PTPRG: variants seen among roughly 807,000 people sequenced by gnomAD.
The protein encoded by PTPRG is receptor-type tyrosine-protein phosphatase gamma.
Under a neutral mutation model 165.3 loss-of-function variants are expected in PTPRG, and 102 were observed. That is an observed-to-expected ratio of 0.62 (90% CI 0.53 to 0.73). The LOEUF (loss-of-function observed/expected upper bound fraction) is 0.73. Among genes scored for constraint, PTPRG ranks in the 30% least tolerant of loss-of-function variants. The pLI is 0.00. For synonymous variants in PTPRG, 675 were observed against 669.5 expected (o/e 1.01, Z -0.13); for missense variants, 1,866 against 1,861.4 (o/e 1.00, Z -0.05).
chr3:62,128,500 G>A (rs1273453522), intron 5 of PTPRG, among the ~76,000 whole-genome samples: 1 of 151,996 alleles, frequency 6.6e-6, no homozygotes, highest in Non-Finnish European at 1.5e-5. Flanking sequence ...AATTGCATTT[G>A]TTTGTCATTC....
intron 13 of PTPRG, among the ~76,000 whole-genome samples, chr3:62,230,952 C>G (rs553896516): frequency 7.2e-5 from 11 of 152,294 alleles, no homozygotes; most frequent in African/African-American, 2.6e-4. Context: ...GATATCCTAA[C>G]CTTCCATTAA....
chr3:62,083,759 C>T (rs1559787362), intron 5 of PTPRG, among the ~76,000 whole-genome samples: 1 of 152,192 alleles, frequency 6.6e-6, no homozygotes, highest in Non-Finnish European at 1.5e-5. Context: ...TCTCCCTTGG[C>T]TTCCGTCTGT....
At chr3:62,159,573 G>T (rs1368187015) in intron 7 of PTPRG, among the ~76,000 whole-genome samples, 1 of 152,070 alleles carries the variant, frequency 6.6e-6, no homozygotes, top group Admixed American at 6.6e-5. Flanking sequence ...TGTAACTGGG[G>T]CTCTGAGAAA....
chr3:61,936,942 CA>C (rs975844912), intron 2 of PTPRG, among the ~76,000 whole-genome samples: 1 of 152,204 alleles, frequency 6.6e-6, no homozygotes, highest in African/African-American at 2.4e-5. Flanking sequence ...GAAGTTCACA[CA>C]AGTGATGTAC....
At chr3:61,810,341 G>T (rs138060695) in intron 2 of PTPRG, among the ~76,000 whole-genome samples, 2 of 152,158 alleles carry the variant, frequency 1.3e-5, no homozygotes. Flanking sequence ...GTGCAGGACT[G>T]AAAGTATTGA....
chr3:62,212,336 C>G (rs1244107395), intron 12 of PTPRG, among the ~76,000 whole-genome samples: 1 of 152,072 alleles, frequency 6.6e-6, no homozygotes, highest in African/African-American at 2.4e-5. Flanking sequence ...GGAGAATGGA[C>G]TATGTTATAT....
At chr3:61,618,323 T>C (rs1380018976) in intron 1 of PTPRG, among the ~76,000 whole-genome samples, 1 of 152,148 alleles carries the variant, frequency 6.6e-6, no homozygotes, top group African/African-American at 2.4e-5. Flanking sequence ...GGTAAATTAG[T>C]TAAGTCTCAC....
intron 2 of PTPRG, among the ~76,000 whole-genome samples, chr3:61,917,881 G>A (rs372517174): frequency 6.6e-6 from 1 of 152,242 alleles, no homozygotes; most frequent in East Asian, 1.9e-4. Flanking sequence ...GCAGTGAGCC[G>A]AGATCACGCC....
At chr3:62,035,782 C>T (rs113199098) in intron 4 of PTPRG, among the ~76,000 whole-genome samples, 4 of 152,150 alleles carry the variant, frequency 2.6e-5, no homozygotes, top group African/African-American at 7.2e-5. Context: ...GGAAAGTTGG[C>T]GAGTGCATCC....
intron 2 of PTPRG, among the ~76,000 whole-genome samples, chr3:61,910,569 A>G (rs764454847): frequency 6.6e-6 from 1 of 151,822 alleles, no homozygotes; most frequent in East Asian, 1.9e-4. Flanking sequence ...TTTCCTTTCT[A>G]TGCTGGTAGT....
intron 1 of PTPRG, among the ~76,000 whole-genome samples, chr3:61,664,223 T>C (rs908648197): frequency 6.6e-6 from 1 of 152,184 alleles, no homozygotes; most frequent in Admixed American, 6.5e-5. Context: ...TACATGCTCC[T>C]TGTAGTCAAG....
In PTPRG at chr3:61,787,799, C is replaced by T. The variant is rs573904431; in HGVS notation, c.190+38817C>T. Among the ~76,000 whole-genome samples the T allele has an allele frequency of 3.9e-5, 6 of 152,284 alleles. No individual in the cohort carries two copies. The South Asian group carries it at 6.2e-4, about 16-fold the overall frequency. ...GCTGTAAAACAGTTTCCGTTTATTACGGGAATTACCTTCTTAGGTAGACAT... is the reference window on the plus strand; with the variant it reads ...GCTGTAAAACAGTTTCCGTTTATTATGGGAATTACCTTCTTAGGTAGACAT... On this transcript the variant is annotated intron_variant, in intron 2 of 29. Coordinates refer to ENST00000474889, the MANE Select transcript of PTPRG (RefSeq NM_002841.4).
chr3:61,743,220 T>A, intron 1 of PTPRG: 1 of 692,604 alleles, frequency 1.4e-6, no homozygotes, highest in Non-Finnish European at 2.6e-6. Context: ...AGAGACAGAG[T>A]TTATGGAAAC....
intron 17 of PTPRG, among the ~76,000 whole-genome samples, chr3:62,264,930 G>A (rs1335875810): frequency 6.7e-6 from 1 of 148,490 alleles, no homozygotes; most frequent in East Asian, 2.0e-4. Flanking sequence ...AGGGTCCAGT[G>A]TTTCCACATC....
intron 2 of PTPRG, among the ~76,000 whole-genome samples, chr3:61,816,974 TTATATA>T (rs923332355): frequency 1.5e-5 from 2 of 135,662 alleles, no homozygotes; most frequent in Admixed American, 8.4e-5. Context: ...CAGTAATCAC[TTATATA>T]TATATTATAT....
At chr3:61,745,855 G>A (rs1451394161) in intron 1 of PTPRG, among the ~76,000 whole-genome samples, 2 of 152,190 alleles carry the variant, frequency 1.3e-5, no homozygotes, top group East Asian at 1.9e-4. Flanking sequence ...AGGATTTCAA[G>A]TGATGGTTTA....
chr3:62,077,408 G>T (rs1382757243), intron 4 of PTPRG, among the ~76,000 whole-genome samples: 2 of 152,114 alleles, frequency 1.3e-5, no homozygotes, highest in Non-Finnish European at 2.9e-5. Context: ...AATTTCTGAA[G>T]CACTATTTTC....
At chr3:62,014,490 T>A (rs112972090) in intron 4 of PTPRG, among the ~76,000 whole-genome samples, 6 of 152,344 alleles carry the variant, frequency 3.9e-5, no homozygotes, top group African/African-American at 1.2e-4. Flanking sequence ...GTAAAATAAC[T>A]TCTAAATCCC....
intron 15 of PTPRG, among the ~76,000 whole-genome samples, chr3:62,250,680 A>C (rs1353200044): frequency 1.3e-5 from 2 of 152,192 alleles, no homozygotes; most frequent in African/African-American, 4.8e-5. Flanking sequence ...AAACAGCTTT[A>C]TGTTCGAATG....
Sources: gnomAD v4.1 joint callset for allele counts (sites outside exome capture counted in the v4.1 genomes callset) on GRCh38, gnomAD v4.1.1 for gene constraint, MANE v1.5 for transcripts, NCBI Gene and HGNC (gene_info 2026-07-23, HGNC 2026-07-21) for gene names.